The following CLVS1 variants were observed in gnomAD, a reference collection of about 807,000 sequenced individuals.
CLVS1 encodes the protein clavesin-1.
In CLVS1, 10 loss-of-function variants were observed where a neutral mutation model predicts 33.1. The ratio of observed to expected loss-of-function variants is 0.30; its 90% CI spans 0.19 to 0.51. The LOEUF (loss-of-function observed/expected upper bound fraction) is 0.51. Ranked by LOEUF, CLVS1 falls within the 20% of genes least tolerant of loss-of-function variation. The pLI is 0.97. For missense variants in CLVS1, 343 were observed against 433.4 expected, an observed-to-expected ratio of 0.79 and a Z score of 1.85; for synonymous variants, 163 against 166.1, an observed-to-expected ratio of 0.98 and a Z score of 0.14.
At chr8:61,174,836 T>C (rs113753103) in intron 2 of CLVS1, among the ~76,000 whole-genome samples, 1 of 89,768 alleles carries the variant, frequency 1.1e-5, no homozygotes, top group African/African-American at 4.5e-5. Context: ...GTATTGAAAT[T>C]TTTATCCCCC....
At chr8:61,420,615 A>AAAG (rs1815621457) in intron 3 of CLVS1, among the ~76,000 whole-genome samples, 1 of 151,202 alleles carries the variant, frequency 6.6e-6, no homozygotes, top group Non-Finnish European at 1.5e-5. Flanking sequence ...AATAGAAAAA[A>AAAG]AAGTCATTAT....
intron 2 of CLVS1, among the ~76,000 whole-genome samples, chr8:61,273,119 G>GT (rs1198654135): frequency 6.7e-6 from 1 of 149,894 alleles, no homozygotes; most frequent in Non-Finnish European, 1.5e-5. Flanking sequence ...CATCTTTGTG[G>GT]TTTTATCTAC....
chr8:61,237,118 T>C (rs1808582412), intron 2 of CLVS1, among the ~76,000 whole-genome samples: 1 of 152,114 alleles, frequency 6.6e-6, no homozygotes. Flanking sequence ...TTTTTAAAAT[T>C]AGCTGGACCT....
At chr8:61,427,536 G>A (rs1394097906) in intron 3 of CLVS1, among the ~76,000 whole-genome samples, 2 of 152,196 alleles carry the variant, frequency 1.3e-5, no homozygotes, top group East Asian at 1.9e-4. Context: ...ATGAATGTTT[G>A]TCCTTATGAC....
In CLVS1 at chr8:61,375,392, A is replaced by T. The variant is rs535160372; in HGVS notation, c.456-1213A>T. Among the ~76,000 whole-genome samples the T allele has an allele frequency of 9.9e-5, 15 of 152,130 alleles. No homozygotes were observed. In the East Asian group the frequency reaches 2.9e-3, roughly 29 times the overall value. On this transcript the variant is annotated intron_variant, in intron 2 of 5. Transcript: ENST00000325897. ...CAGCCTCCCAAGTAGCTGGGATTAC[A>T]GGTGCCCGCCACCACGCCCAGCTAA...
At chr8:61,110,190 A>G (rs1327325420) in intron 1 of CLVS1, among the ~76,000 whole-genome samples, 1 of 152,102 alleles carries the variant, frequency 6.6e-6, no homozygotes, top group Non-Finnish European at 1.5e-5. Flanking sequence ...TCGGCCTGTA[A>G]CCCTGACTGC....
At chr8:61,294,183 C>G (rs1363595422) in intron 1 of CLVS1, among the ~76,000 whole-genome samples, 1 of 152,032 alleles carries the variant, frequency 6.6e-6, no homozygotes, top group Non-Finnish European at 1.5e-5. Context: ...CACCGGTACT[C>G]AGAGTGATGT....
At chr8:61,194,733 A>G (rs1281178059) in intron 2 of CLVS1, among the ~76,000 whole-genome samples, 3 of 151,838 alleles carry the variant, frequency 2.0e-5, no homozygotes, top group East Asian at 3.8e-4. Context: ...ATTTAGATAT[A>G]TAAAAATTCA....
chr8:61,099,320 T>C (rs6471922), intron 1 of CLVS1, among the ~76,000 whole-genome samples: 33,639 of 151,870 alleles, frequency 0.22, 3,997 homozygotes, highest in Admixed American at 0.32. Context: ...CAAAGGGCTC[T>C]GGAGAGCGGC....
At chr8:61,114,447 A>G (rs1375629540) in intron 1 of CLVS1, among the ~76,000 whole-genome samples, 10 of 152,268 alleles carry the variant, frequency 6.6e-5, no homozygotes, top group Non-Finnish European at 1.5e-4. Flanking sequence ...AACAGAAACG[A>G]TGTAATGAAA....
chr8:61,066,697 G>A (rs182183222), intron 1 of CLVS1, among the ~76,000 whole-genome samples: 3 of 152,318 alleles, frequency 2.0e-5, no homozygotes, highest in East Asian at 3.9e-4. Flanking sequence ...GGGGAAGCAA[G>A]TGTACACATT....
chr8:61,252,929 TA>T (rs1808983946), intron 2 of CLVS1, among the ~76,000 whole-genome samples: 1 of 152,204 alleles, frequency 6.6e-6, no homozygotes, highest in South Asian at 2.1e-4. Context: ...CATTTAAGGT[TA>T]ATATTGTTGT....
At chr8:61,030,396 G>T in the CLVS1 span, among the ~76,000 whole-genome samples, 1 of 152,150 alleles carries the variant, frequency 6.6e-6, no homozygotes, top group African/African-American at 2.4e-5. Flanking sequence ...GAACTGGCAA[G>T]ACTACATTTT....
In CLVS1 at chr8:61,112,352, A is replaced by T. The variant is rs566496039; in HGVS notation, c.-242-19418A>T. 1.1e-4 allele frequency among the ~76,000 whole-genome samples: 16 copies of T among 152,270 alleles called. No homozygotes were observed. The South Asian group carries it at 3.3e-3, about 32-fold the overall frequency. On this transcript the variant is annotated intron_variant, in intron 1 of 2. Transcript: ENST00000522621. The stretch of plus-strand genomic sequence containing the variant: ...GCTACATTAAATTTGCTGACATTTA[A>T]TGTAAAATTTCATGTATTTCTACTG...
intron 3 of CLVS1, among the ~76,000 whole-genome samples, chr8:61,388,828 T>C (rs190674263): frequency 8.5e-4 from 129 of 152,272 alleles, no homozygotes; most frequent in Admixed American, 2.0e-3. Context: ...TTGTTAGCTA[T>C]AGTGATCTTA....
chr8:61,050,166 A>AT, the CLVS1 span, among the ~76,000 whole-genome samples: 4,193 of 151,884 alleles, frequency 0.028, 200 homozygotes, highest in African/African-American at 0.095. Flanking sequence ...CATGTCTTTA[A>AT]TTTTTTTTAC....
At chr8:61,365,660 C>T (rs1813173532) in intron 2 of CLVS1, among the ~76,000 whole-genome samples, 1 of 152,128 alleles carries the variant, frequency 6.6e-6, no homozygotes, top group African/African-American at 2.4e-5. Flanking sequence ...ATGATCCTAG[C>T]TCCATGCCTA....
intron 1 of CLVS1, among the ~76,000 whole-genome samples, chr8:61,293,143 C>T (rs1045347629): frequency 1.3e-5 from 2 of 152,114 alleles, no homozygotes; most frequent in African/African-American, 4.8e-5. Flanking sequence ...TAGTCCTAGG[C>T]TAGGACTAAG....
At chr8:61,417,028 G>A (rs1815464196) in intron 3 of CLVS1, among the ~76,000 whole-genome samples, 1 of 152,140 alleles carries the variant, frequency 6.6e-6, no homozygotes, top group South Asian at 2.1e-4. Flanking sequence ...CAGCAGTGGT[G>A]ACACAGGAAT....
Sources: gnomAD v4.1 joint callset for allele counts (sites outside exome capture counted in the v4.1 genomes callset) on GRCh38, gnomAD v4.1.1 for gene constraint, MANE v1.5 for transcripts, NCBI Gene and HGNC (gene_info 2026-07-23, HGNC 2026-07-21) for gene names.